The following ADAMTS19 variants were observed in gnomAD, a reference collection of about 807,000 sequenced individuals.
ADAMTS19 encodes the protein A disintegrin and metalloproteinase with thrombospondin motifs 19.
Under a neutral mutation model 153.3 loss-of-function variants are expected in ADAMTS19, and 93 were observed. The observed-to-expected ratio is 0.61, with a 90% CI of 0.51 to 0.72. The LOEUF (loss-of-function observed/expected upper bound fraction) is 0.72. Among genes scored for constraint, ADAMTS19 ranks in the 30% least tolerant of loss-of-function variants. The pLI, the probability that ADAMTS19 is intolerant of heterozygous loss-of-function variation, is 0.00. For synonymous variants in ADAMTS19, 600 were observed against 556.6 expected (o/e 1.08, Z -1.10); for missense variants, 1,482 against 1,552.1 (o/e 0.95, Z 0.76).
At position 129,737,297 on chromosome 5, in the gene ADAMTS19, CA is replaced by C. The variant is rs1334908799; in HGVS notation, c.*82del. ...ACACACACTAGCATGTTTTTCAGAC[CA>C]AATATTATCAGATTACATATAATTT... On this transcript the variant is annotated 3_prime_UTR_variant, in exon 23 of 23. Transcript: ENST00000274487. The C allele has an allele frequency of 7.9e-7, 1 of 1,263,302 alleles. No individual in the cohort carries two copies. Among genetic ancestry groups the C allele is most frequent in the African/African-American group, 1.5e-5 (1 of 65,394 alleles). The allele number at this position is 1,263,302 out of a possible 1,614,324, so 78.3% of individuals were successfully genotyped here.
intron 8 of ADAMTS19, among the ~76,000 whole-genome samples, chr5:129,600,618 G>A (rs535193509): frequency 1.3e-5 from 2 of 152,118 alleles, no homozygotes; most frequent in East Asian, 1.9e-4. Context: ...AATGACTCTT[G>A]GGGATGAAAA....
Position 129,535,907 on chromosome 5 carries a change from T to C in ADAMTS19, c.1328+7230T>C, listed in dbSNP as rs369721709. Among the ~76,000 whole-genome samples the C allele has an allele frequency of 4.6e-5, 7 of 152,112 alleles. No individual in the cohort carries two copies. The East Asian group carries it at 1.2e-3, about 25-fold the overall frequency. On this transcript the variant is annotated intron_variant, in intron 6 of 22. Transcript: ENST00000274487. ...CCTTCCTTACACCTTATACAAAAATTAATTCAAGATGGATTAAAGACTTAC... is the reference window on the plus strand; with the variant it reads ...CCTTCCTTACACCTTATACAAAAATCAATTCAAGATGGATTAAAGACTTAC...
intron 8 of ADAMTS19, among the ~76,000 whole-genome samples, chr5:129,613,548 A>C (rs940370190): frequency 6.6e-6 from 1 of 152,198 alleles, no homozygotes; most frequent in Non-Finnish European, 1.5e-5. Context: ...GTGTAAAGGG[A>C]AATTTATAGC....
chr5:129,640,887 C>T (rs62399047), intron 10 of ADAMTS19, among the ~76,000 whole-genome samples: 9,217 of 151,988 alleles, frequency 0.061, 411 homozygotes, highest in Non-Finnish European at 0.087. Context: ...TACAGTGGCA[C>T]GGTCTCAGCT....
chr5:129,635,386 C>G (rs1300159448), intron 10 of ADAMTS19, among the ~76,000 whole-genome samples: 2 of 152,102 alleles, frequency 1.3e-5, no homozygotes, highest in African/African-American at 2.4e-5. Context: ...TAGCATTTGA[C>G]CAGCAATCCC....
rs1757724943 is a variant in ADAMTS19, at chr5:129,737,527, C to G, written c.*309C>G. 1 of 169,082 alleles carries G rather than the reference C, an allele frequency of 5.9e-6. No individual in the cohort carries two copies. The highest frequency in any genetic ancestry group is 6.3e-5 in the Admixed American group (1 of 15,922). The allele number at this position is 169,082 out of a possible 1,614,324, so 10.5% of individuals were successfully genotyped here. A position where few individuals can be genotyped will look rare whatever the true frequency, so the allele number is the denominator to read the frequency against. ...AGTTTTCGTTGTTTGTTAGGGCTAT[C>G]TCTAAGGTGCTACTCTCTCCCCACC... On this transcript the variant is annotated 3_prime_UTR_variant, in exon 23 of 23. Transcript: ENST00000274487.
At chr5:129,484,953 T>C (rs1173303235) in intron 2 of ADAMTS19, among the ~76,000 whole-genome samples, 1 of 152,116 alleles carries the variant, frequency 6.6e-6, no homozygotes, top group Non-Finnish European at 1.5e-5. Context: ...CTCTCAGTAA[T>C]CGGTAGAACA....
chr5:129,473,002 T>C (rs1243775306), intron 2 of ADAMTS19, among the ~76,000 whole-genome samples: 1 of 151,712 alleles, frequency 6.6e-6, no homozygotes, highest in Non-Finnish European at 1.5e-5. Flanking sequence ...TTGTGAGAGG[T>C]TATCTATCCT....
At chr5:129,609,267 TA>T (rs1751081030) in intron 8 of ADAMTS19, among the ~76,000 whole-genome samples, 1 of 152,184 alleles carries the variant, frequency 6.6e-6, no homozygotes, top group Non-Finnish European at 1.5e-5. Flanking sequence ...GAGCTTTGGA[TA>T]AATCAATCTG....
intron 10 of ADAMTS19, among the ~76,000 whole-genome samples, chr5:129,623,803 G>A (rs989100352): frequency 1.3e-5 from 2 of 151,932 alleles, no homozygotes. Context: ...TATGGAGTTG[G>A]AGCTGCATCA....
chr5:129,513,830 A>G (rs1390867740), intron 3 of ADAMTS19, among the ~76,000 whole-genome samples: 1 of 151,982 alleles, frequency 6.6e-6, no homozygotes, highest in Admixed American at 6.6e-5. Flanking sequence ...TATACAATTA[A>G]GTTATTATTG....
chr5:129,495,798 C>A (rs10213764), intron 2 of ADAMTS19, among the ~76,000 whole-genome samples: 20,047 of 151,956 alleles, frequency 0.13, 1,608 homozygotes, highest in African/African-American at 0.22. Context: ...ATAGTCTTGA[C>A]GTGGCCTGGT....
chr5:129,674,151 A>T (rs1178839713), intron 16 of ADAMTS19, among the ~76,000 whole-genome samples: 1 of 152,056 alleles, frequency 6.6e-6, no homozygotes, highest in Non-Finnish European at 1.5e-5. Context: ...GAATCACTTG[A>T]ACCCGGGAGG....
At chr5:129,518,945 T>C (rs1056668070) in intron 3 of ADAMTS19, among the ~76,000 whole-genome samples, 9 of 152,182 alleles carry the variant, frequency 5.9e-5, no homozygotes, top group Admixed American at 5.9e-4. Context: ...TCACTAATTC[T>C]TTCTTTTGTT....
chr5:129,715,409 T>C (rs1756680209), intron 21 of ADAMTS19, among the ~76,000 whole-genome samples: 1 of 152,230 alleles, frequency 6.6e-6, no homozygotes, highest in African/African-American at 2.4e-5. Context: ...ATATCTGGTT[T>C]GAATTCTGTA....
At chr5:129,639,055 C>T (rs753340826) in intron 10 of ADAMTS19, among the ~76,000 whole-genome samples, 7 of 152,020 alleles carry the variant, frequency 4.6e-5, no homozygotes, top group South Asian at 2.1e-4. Context: ...TATTAGTTTG[C>T]GAGAAAATGC....
intron 21 of ADAMTS19, among the ~76,000 whole-genome samples, chr5:129,709,442 T>C (rs1041890082): frequency 2.6e-5 from 4 of 152,196 alleles, no homozygotes; most frequent in Non-Finnish European, 4.4e-5. Context: ...TTGATGTTAC[T>C]GAAATCCACT....
intron 16 of ADAMTS19, among the ~76,000 whole-genome samples, chr5:129,668,086 AT>A (rs1307263399): frequency 6.6e-6 from 1 of 152,162 alleles, no homozygotes; most frequent in Non-Finnish European, 1.5e-5. Flanking sequence ...CTAGGAGAAC[AT>A]CCATTCCCTG....
At chr5:129,650,639 G>T (rs1000036937) in intron 13 of ADAMTS19, among the ~76,000 whole-genome samples, 7 of 152,090 alleles carry the variant, frequency 4.6e-5, no homozygotes, top group Non-Finnish European at 1.0e-4. Context: ...TGGCCTTGAT[G>T]CCATCCCCAT....
Sources: allele counts gnomAD v4.1 joint callset (sites outside exome capture counted in the v4.1 genomes callset), GRCh38; gene constraint gnomAD v4.1.1; transcripts MANE v1.5; gene names NCBI Gene and HGNC (gene_info 2026-07-23, HGNC 2026-07-21).